ACY1: variants seen among roughly 807,000 people sequenced by gnomAD.
The protein encoded by ACY1 is aminoacylase 1.
In ACY1, 38 loss-of-function variants were observed where a neutral mutation model predicts 53.3. The ratio of observed to expected loss-of-function variants is 0.71; its 90% CI spans 0.55 to 0.93. The LOEUF (loss-of-function observed/expected upper bound fraction) is 0.93. Among genes scored for constraint, ACY1 ranks in the 40% least tolerant of loss-of-function variants. ACY1 has a pLI of 0.00. For synonymous variants in ACY1, 177 were observed against 202.1 expected, an observed-to-expected ratio of 0.88 and a Z score of 1.05; for missense variants, 484 against 540.9, an observed-to-expected ratio of 0.89 and a Z score of 1.04.
In ACY1 at chr3:51,984,082, C is replaced by T; in HGVS notation, c.18C>T (p.Pro6=). 2.5e-6 allele frequency: 4 copies of T among 1,613,478 alleles called. No individual in the cohort carries two copies. The highest frequency in any genetic ancestry group is 2.2e-5 in the East Asian group (1 of 44,850). ...GCAGCGCCATGACCAGCAAGGGTCC[C>T]GAGGAGGAGCACCCATCGGTGACGC... The part of the protein sequence containing the change: MTSKG[P]EEEHPSVTLF... Residue 6 remains proline, a synonymous_variant, in exon 2 of 15, where the codon CCC becomes CCT. Transcript: ENST00000636358.
chr3:51,988,805 T>C lies in ACY1; in HGVS notation c.1041T>C (p.Thr347=), dbSNP rs149952009. The change falls in exon 14 of 15, where the codon ACT becomes ACC. Residue 347 remains threonine (T), a synonymous_variant. Transcript: ENST00000636358. The part of the protein sequence containing the change: ...TLEPEIMPAA[T]DNRYIRAVGV... ...AGCCTGAGATCATGCCTGCTGCCAC[T>C]GACAACCGCTATATCCGCGCGGTGA... is the stretch of plus-strand genomic sequence containing the variant. 3.5e-5 allele frequency: 57 copies of C among 1,614,172 alleles called. No individual in the cohort carries two copies. The African/African-American group carries it at 6.8e-4, about 19-fold the overall frequency.
At chr3:51,988,861 C>G (rs1373140957) in intron 14 of ACY1, 35 bp downstream of exon 14, 4 of 1,614,126 alleles carry the variant, frequency 2.5e-6, no homozygotes, top group Non-Finnish European at 2.5e-6. Flanking sequence ...GGGCAGTGGA[C>G]TGGGCCTGAG....
chr3:51,987,321 C>T lies in ACY1; in HGVS notation c.720C>T (p.Asn240=). The T allele has an allele frequency of 6.2e-7, 1 of 1,614,066 alleles. No individual in the cohort carries two copies. Among genetic ancestry groups the T allele is most frequent in the Non-Finnish European group, 8.5e-7 (1 of 1,180,018 alleles). The change falls in exon 11 of 15, where the codon AAC becomes AAT. Residue 240 remains asparagine (N), a synonymous_variant. Coordinates refer to ENST00000636358, the MANE Select transcript of ACY1 (RefSeq NM_000666.3). ...REKEWQRLQS[N]PHLKEGSVTS... ...CCCCACACCACAGGCTGCAGTCAAA[C>T]CCCCACCTGAAAGAGGGGTCCGTGA...
intron 4 of ACY1, 95 bp downstream of exon 4, chr3:51,985,560 C>A: frequency 1.6e-6 from 2 of 1,225,478 alleles, no homozygotes; most frequent in Non-Finnish European, 2.4e-6. Flanking sequence ...ATGGTCCTGG[C>A]CCCAGTCCTG....
In ACY1 at chr3:51,988,824, G is replaced by C; in HGVS notation, c.1060G>C (p.Ala354Pro). The change falls in exon 14 of 15, where the codon GCG becomes CCG. Residue 354 changes from alanine to proline, a missense_variant and splice_region_variant. Ala to Pro is a conservative substitution (Grantham distance 27). Coordinates refer to ENST00000636358, the MANE Select transcript of ACY1 (RefSeq NM_000666.3). ...TGCCACTGACAACCGCTATATCCGCGCGGTGAGCCACTTGCATATAGTGCC... is the reference window on the plus strand; with the variant it reads ...TGCCACTGACAACCGCTATATCCGCCCGGTGAGCCACTTGCATATAGTGCC... ...PAATDNRYIR[A>P]VGVPALGFSP... 2.5e-6 allele frequency: 4 copies of C among 1,614,166 alleles called. No homozygotes were observed. Among genetic ancestry groups the C allele is most frequent in the Non-Finnish European group, 3.4e-6 (4 of 1,180,036 alleles).
intron 12 of ACY1, chr3:51,987,925 G>A: frequency 2.6e-6 from 1 of 378,802 alleles, no homozygotes; most frequent in Non-Finnish European, 4.9e-6. Context: ...AGGCTGCAGT[G>A]CAGTGGCACA....
intron 1 of ACY1, 84 bp from the exon 2 acceptor site, chr3:51,983,962 GA>G (rs1459113142): frequency 5.0e-6 from 5 of 992,032 alleles, no homozygotes; most frequent in African/African-American, 1.6e-5. Flanking sequence ...GGAAGTCCGG[GA>G]GCCGCCGTGG....
chr3:51,987,314 A>G lies in ACY1; in HGVS notation c.713A>G (p.Gln238Arg). 6.2e-7 allele frequency: 1 copy of G among 1,614,096 alleles called. No individual in the cohort carries two copies. The highest frequency in any genetic ancestry group is 8.5e-7 in the Non-Finnish European group (1 of 1,180,026). The change falls in exon 11 of 15, where the codon CAG becomes CGG. Residue 238 changes from glutamine to arginine, a missense_variant. Physicochemically the swap from Gln to Arg is conservative, Grantham distance 43. Coordinates refer to ENST00000636358, the MANE Select transcript of ACY1 (RefSeq NM_000666.3). ...AFREKEWQRL[Q>R]SNPHLKEGSV... Reference sequence around the variant, plus strand: ...ACCCTGCCCCCACACCACAGGCTGCAGTCAAACCCCCACCTGAAAGAGGGG... The same window carrying G: ...ACCCTGCCCCCACACCACAGGCTGCGGTCAAACCCCCACCTGAAAGAGGGG...
In ACY1 at chr3:51,986,420, G is replaced by A. The variant is rs1385904500; in HGVS notation, c.442G>A (p.Glu148Lys). 1.1e-5 allele frequency: 17 copies of A among 1,610,604 alleles called. No homozygotes were observed. The highest frequency in any genetic ancestry group is 1.4e-5 in the Non-Finnish European group (17 of 1,178,358). The change falls in exon 7 of 15, where the codon GAG becomes AAG. Residue 148 changes from glutamate (E) to lysine (K), a missense_variant. By Grantham distance (56) the Glu-to-Lys change is moderately conservative (BLOSUM62 1). Coordinates refer to ENST00000636358, the MANE Select transcript of ACY1 (RefSeq NM_000666.3). Reference protein sequence around the residue: ...TIHMTFVPDEEVGGHQGMELF... With the variant: ...TIHMTFVPDEKVGGHQGMELF... ...CGTCCCTGCTGCTTTTACAGATGAGGAGGTTGGGGGTCACCAAGGCATGGA... is the reference window on the plus strand; with the variant it reads ...CGTCCCTGCTGCTTTTACAGATGAGAAGGTTGGGGGTCACCAAGGCATGGA...
intron 8 of ACY1, 69 bp from the exon 9 acceptor site, chr3:51,986,919 C>A: frequency 6.5e-7 from 1 of 1,529,722 alleles, no homozygotes; most frequent in Non-Finnish European, 9.0e-7. Context: ...AGACCTGGGC[C>A]CACCCCAGGC....
At chr3:51,985,101 G>C (rs1176774650) in intron 2 of ACY1, 106 bp from the exon 3 acceptor site, 1 of 1,113,708 alleles carries the variant, frequency 9.0e-7, no homozygotes. Flanking sequence ...GAGTGTGTCG[G>C]GGAGGCAGCA....
rs1237293056 is a variant in ACY1, at chr3:51,987,346, A to C, written c.745A>C (p.Thr249Pro). The change falls in exon 11 of 15, where the codon ACC becomes CCC. Residue 249 changes from threonine to proline, a missense_variant. Physicochemically the swap from Thr to Pro is conservative, Grantham distance 38 (BLOSUM62 -1). Transcript: ENST00000636358. ...SNPHLKEGSVTSVNLTKLEGG... is the reference protein window; with the variant it reads ...SNPHLKEGSVPSVNLTKLEGG... ...CCCCCACCTGAAAGAGGGGTCCGTG[A>C]CCTCCGTGAACCTGACTAAGCTAGA... is the stretch of plus-strand genomic sequence containing the variant. 6.2e-7 allele frequency: 1 copy of C among 1,613,956 alleles called. No individual in the cohort carries two copies. Among genetic ancestry groups the C allele is most frequent in the Non-Finnish European group, 8.5e-7 (1 of 1,179,990 alleles).
Position 51,989,085 on chromosome 3 carries a change from C to G in ACY1, c.*10C>G. On this transcript the variant is annotated 3_prime_UTR_variant, in exon 15 of 15. Transcript: ENST00000636358. ...GCCCAGTGACAGCTGAGCCCTGGAA[C>G]TCCTAAACCTTTGCCCCTGGGGCTT... 1.9e-6 allele frequency: 3 copies of G among 1,612,940 alleles called. No homozygotes were observed. Among genetic ancestry groups the G allele is most frequent in the Non-Finnish European group, 1.7e-6 (2 of 1,180,034 alleles).
Position 51,986,232 on chromosome 3 carries a change from G to A in ACY1, c.360-23G>A, listed in dbSNP as rs748844903. 2.7e-5 allele frequency: 43 copies of A among 1,612,834 alleles called. No individual in the cohort carries two copies. The South Asian group carries it at 4.6e-4, about 17-fold the overall frequency. ...GCCTGCGCATCTGGTGGCTCCCCCA[G>A]CACCTGGCTTATGCCCCCTCAGGTA... is the stretch of plus-strand genomic sequence containing the variant. On this transcript the variant is annotated intron_variant, in intron 5 of 14. Coordinates refer to ENST00000636358, the MANE Select transcript of ACY1 (RefSeq NM_000666.3).
intron 6 of ACY1, 41 bp downstream of exon 6, chr3:51,986,372 G>A (rs1577727684): frequency 6.2e-7 from 1 of 1,608,352 alleles, no homozygotes. Flanking sequence ...GGGAGGGTGG[G>A]GCGGGGCAGC....
At chr3:51,988,031 A>T (rs1701134138) in intron 12 of ACY1, 1 of 295,716 alleles carries the variant, frequency 3.4e-6, no homozygotes, top group South Asian at 3.4e-5. Context: ...ACGCCCAGCT[A>T]ATTTTTGCAT....
chr3:51,987,085 T>A (rs1399806598), intron 9 of ACY1, 24 bp downstream of exon 9: 1 of 1,613,528 alleles, frequency 6.2e-7, no homozygotes, highest in Non-Finnish European at 8.5e-7. Context: ...CAGGAGGGAG[T>A]CTGGGAGTTC....
In ACY1 at chr3:51,987,182, GA is replaced by G; in HGVS notation, c.695del (p.Lys232ArgfsTer12). 6.2e-7 allele frequency: 1 copy of G among 1,614,226 alleles called. No individual in the cohort carries two copies. Among genetic ancestry groups the G allele is most frequent in the Non-Finnish European group, 8.5e-7 (1 of 1,180,028 alleles). ...VVNSILAFRE[K>X]EWQRLQSNPH... ...TAAACTCCATCCTGGCATTCCGGGA[GA>G]AGGAATGGCAGAGGTGAGGCAGCCT... is the stretch of plus-strand genomic sequence containing the variant. On this transcript the variant is annotated frameshift_variant, in exon 10 of 15. Transcript: ENST00000636358. LOFTEE classifies it high-confidence loss of function.
intron 12 of ACY1, 34 bp downstream of exon 12, chr3:51,987,658 G>A: frequency 6.2e-7 from 1 of 1,606,822 alleles, no homozygotes; most frequent in African/African-American, 1.3e-5. Context: ...GGAGAGTGTG[G>A]GAGCCGGGGG....
Sources: allele counts gnomAD v4.1 joint callset, GRCh38; gene constraint gnomAD v4.1.1; transcripts MANE v1.5; gene names NCBI Gene and HGNC (gene_info 2026-07-23, HGNC 2026-07-21).